Variants in TRAPPC13 observed in about 807,000 individuals in gnomAD.
TRAPPC13 encodes REV7-interacting novel NHEJ regulator 1.
TRAPPC13 carries 39 observed loss-of-function variants against 54.0 expected under a neutral mutation model. That is an observed-to-expected ratio of 0.72 (90% CI 0.56 to 0.94). The LOEUF (loss-of-function observed/expected upper bound fraction) is 0.94. Among genes scored for constraint, TRAPPC13 ranks in the 40% least tolerant of loss-of-function variants. The pLI, the probability that TRAPPC13 is intolerant of heterozygous loss-of-function variation, is 0.00. For missense variants in TRAPPC13, 386 were observed against 488.1 expected, an observed-to-expected ratio of 0.79 and a Z score of 1.97; for synonymous variants, 148 against 167.7, an observed-to-expected ratio of 0.88 and a Z score of 0.91.
intron 1 of TRAPPC13, among the ~76,000 whole-genome samples, chr5:65,627,131 CAAAAAAAAAAA>C (rs60169195): frequency 5.2e-4 from 17 of 32,550 alleles, no homozygotes; most frequent in Admixed American, 1.3e-3. Flanking sequence ...GACCCTGTCT[CAAAAAAAAAAA>C]AAAAAAAAAA....
chr5:65,630,094 G>A, intron 1 of TRAPPC13: 5 of 1,536,038 alleles, frequency 3.3e-6, no homozygotes, highest in Non-Finnish European at 4.4e-6. Flanking sequence ...GAGCAAGATG[G>A]ACAATAGAAC....
At chr5:65,649,213 C>T (rs1756329012) in intron 5 of TRAPPC13, among the ~76,000 whole-genome samples, 1 of 120,700 alleles carries the variant, frequency 8.3e-6, no homozygotes, top group Non-Finnish European at 1.8e-5. Context: ...GGGACCCTGC[C>T]TCAAAAAAAG....
chr5:65,646,268 G>A (rs1341410771), intron 4 of TRAPPC13, among the ~76,000 whole-genome samples: 2 of 152,186 alleles, frequency 1.3e-5, no homozygotes, highest in Non-Finnish European at 2.9e-5. Flanking sequence ...TGGAGGGAAA[G>A]TGCTACTTTA....
At chr5:65,654,232 T>A (rs775168384) in intron 7 of TRAPPC13, among the ~76,000 whole-genome samples, 11 of 152,160 alleles carry the variant, frequency 7.2e-5, no homozygotes, top group Non-Finnish European at 1.6e-4. Context: ...AAATAAAAAT[T>A]CACAATTCCA....
In TRAPPC13 at chr5:65,649,917, C is replaced by T. The variant is rs550753935; in HGVS notation, c.429-893C>T. On this transcript the variant is annotated intron_variant, in intron 5 of 12. Coordinates refer to ENST00000399438, the MANE Select transcript of TRAPPC13 (RefSeq NM_024941.4). Reference sequence around the variant, plus strand: ...TGTCGCCCAGACTGGAGTGCAGTGGCGCAATCTCAGCTCACTGCAAGCTCT... The same window carrying T: ...TGTCGCCCAGACTGGAGTGCAGTGGTGCAATCTCAGCTCACTGCAAGCTCT... Among the ~76,000 whole-genome samples, 4 of 147,818 alleles carry T rather than the reference C, an allele frequency of 2.7e-5. No homozygotes were observed. In the South Asian group the frequency reaches 6.4e-4, roughly 24 times the overall value.
At chr5:65,660,186 ATG>A (rs1409225748) in intron 9 of TRAPPC13, among the ~76,000 whole-genome samples, 1 of 152,018 alleles carries the variant, frequency 6.6e-6, no homozygotes, top group African/African-American at 2.4e-5. Context: ...TTAGAATGGT[ATG>A]TCTCTTATTA....
Position 65,665,259 on chromosome 5 carries a change from T to C in TRAPPC13, c.*648T>C, listed in dbSNP as rs566265291. 1.3e-5 allele frequency: 2 copies of C among 152,228 alleles called. No individual in the cohort carries two copies. The highest frequency in any genetic ancestry group is 2.9e-5 in the Non-Finnish European group (2 of 68,032). 9.4% of individuals were successfully genotyped at this position (152,228 alleles called of 1,614,324 possible). ...AGTTGGCTGACCTCAATCTAGAAGA[T>C]AGAGTTGTTTCTTAGAACTTTGTAA... On this transcript the variant is annotated 3_prime_UTR_variant, in exon 13 of 13. Coordinates refer to ENST00000399438, the MANE Select transcript of TRAPPC13 (RefSeq NM_024941.4).
chr5:65,662,211 A>T, intron 11 of TRAPPC13, 61 bp downstream of exon 11: 1 of 1,233,256 alleles, frequency 8.1e-7, no homozygotes, highest in Non-Finnish European at 1.1e-6. Context: ...AGATAATTTT[A>T]AAATCTTTTT....
intron 1 of TRAPPC13, chr5:65,625,424 C>A: frequency 2.8e-6 from 1 of 353,608 alleles, no homozygotes; most frequent in Non-Finnish European, 5.1e-6. Flanking sequence ...ATCCAAAGTG[C>A]TTTTTCCTTC....
chr5:65,636,362 G>T (rs1336629863), intron 3 of TRAPPC13, among the ~76,000 whole-genome samples: 1 of 151,878 alleles, frequency 6.6e-6, no homozygotes, highest in East Asian at 1.9e-4. Context: ...GGCTGACCTT[G>T]AACTCCTGAC....
At chr5:65,639,731 T>C (rs1342987540) in intron 4 of TRAPPC13, among the ~76,000 whole-genome samples, 1 of 152,170 alleles carries the variant, frequency 6.6e-6, no homozygotes, top group African/African-American at 2.4e-5. Flanking sequence ...TATGAGCACA[T>C]TGTGTGGGAT....
At chr5:65,652,340 T>TTTC (rs35690991) in intron 6 of TRAPPC13, among the ~76,000 whole-genome samples, 161 bp from the exon 7 acceptor site, 7 of 2,968 alleles carry the variant, frequency 2.4e-3, no homozygotes, top group East Asian at 0.019. Flanking sequence ...TTTTCTTTTC[T>TTTC]TTTTTTTTTT....
intron 4 of TRAPPC13, 109 bp downstream of exon 4, chr5:65,637,889 C>G: frequency 2.0e-6 from 1 of 499,664 alleles, no homozygotes; most frequent in Non-Finnish European, 3.5e-6. Flanking sequence ...GAGGCTGAAG[C>G]AGGTGGATCA....
chr5:65,659,967 C>CAAA (rs141876171), intron 9 of TRAPPC13, among the ~76,000 whole-genome samples: 578 of 95,192 alleles, frequency 6.1e-3, no homozygotes, highest in East Asian at 0.014. Flanking sequence ...GTATTTTAAA[C>CAAA]AAAAAAAAAA....
At chr5:65,634,957 A>T in intron 1 of TRAPPC13, 2 of 909,498 alleles carry the variant, frequency 2.2e-6, no homozygotes, top group African/African-American at 1.8e-5. Flanking sequence ...GATATTGTTT[A>T]TGGTGAAATC....
Position 65,664,459 on chromosome 5 carries a change from T to G in TRAPPC13, c.1147-45T>G, listed in dbSNP as rs377603307. On this transcript the variant is annotated intron_variant, in intron 12 of 12. Coordinates refer to ENST00000399438, the MANE Select transcript of TRAPPC13 (RefSeq NM_024941.4). The stretch of plus-strand genomic sequence containing the variant: ...AGTCATTTGTGATGTCTGTATTTCC[T>G]CTGAATGAATGAAAACTTAGACTCA... 73 of 1,593,126 alleles carry G rather than the reference T, an allele frequency of 4.6e-5. No homozygotes were observed. The African/African-American group carries it at 8.8e-4, about 19-fold the overall frequency.
rs1461906822 is a variant in TRAPPC13, at chr5:65,635,988, A to G, written c.160A>G (p.Asn54Asp). The change falls in exon 3 of 13, where the codon AAT becomes GAT. Residue 54 changes from asparagine to aspartate, a missense_variant. Transcript: ENST00000399438. ...GATGAGAGATGATCCTTCAACCGTT[A>G]ATGGTGCAGAAGTTTTAATGTTGGG... ...QLMRDDPSTVNGAEVLMLGEM... is the reference protein window; with the variant it reads ...QLMRDDPSTVDGAEVLMLGEM... 6.2e-7 allele frequency: 1 copy of G among 1,602,270 alleles called. No individual in the cohort carries two copies. The highest frequency in any genetic ancestry group is 8.5e-7 in the Non-Finnish European group (1 of 1,173,838).
chr5:65,639,764 T>C (rs973258284), intron 4 of TRAPPC13, among the ~76,000 whole-genome samples: 2 of 152,218 alleles, frequency 1.3e-5, no homozygotes, highest in Admixed American at 6.5e-5. Flanking sequence ...ATGGAACAGT[T>C]AGAAGACCTT....
At chr5:65,660,532 T>C (rs1487102964) in intron 9 of TRAPPC13, among the ~76,000 whole-genome samples, 167 bp from the exon 10 acceptor site, 1 of 152,156 alleles carries the variant, frequency 6.6e-6, no homozygotes, top group Admixed American at 6.5e-5. Flanking sequence ...AAATAAATCA[T>C]TGCAGTATAC....
Sources: gnomAD v4.1 joint callset for allele counts (sites outside exome capture counted in the v4.1 genomes callset) on GRCh38, gnomAD v4.1.1 for gene constraint, MANE v1.5 for transcripts, NCBI Gene and HGNC (gene_info 2026-07-23, HGNC 2026-07-21) for gene names.